FTO: variants seen among roughly 807,000 people sequenced by gnomAD.
The protein encoded by FTO is FTO alpha-ketoglutarate dependent dioxygenase.
FTO carries 47 observed loss-of-function variants against 63.9 expected under a neutral mutation model. The observed-to-expected ratio is 0.74, with a 90% CI of 0.58 to 0.94. The LOEUF is 0.94. Ranked by LOEUF, FTO falls within the 40% of genes least tolerant of loss-of-function variation. FTO has a pLI of 0.00. For synonymous variants in FTO, 207 were observed against 224.4 expected (o/e 0.92, Z 0.69); for missense variants, 562 against 618.1 (o/e 0.91, Z 0.96).
At chr16:53,912,676 T>C (rs2081742893) in intron 7 of FTO, among the ~76,000 whole-genome samples, 2 of 152,172 alleles carry the variant, frequency 1.3e-5, no homozygotes, top group Admixed American at 6.5e-5. Flanking sequence ...ACATGACTTG[T>C]TCACCGGTTC....
At chr16:53,760,233 TG>T (rs1567962795) in intron 1 of FTO, among the ~76,000 whole-genome samples, 2 of 16,094 alleles carry the variant, frequency 1.2e-4, no homozygotes, top group Non-Finnish European at 1.3e-4. Flanking sequence ...TGTGTGTGTG[TG>T]TGTGTGTGTG....
chr16:54,035,249 G>A (rs937681443), intron 8 of FTO, among the ~76,000 whole-genome samples: 1 of 152,192 alleles, frequency 6.6e-6, no homozygotes, highest in Admixed American at 6.5e-5. Context: ...CAGCAAAGAA[G>A]TTTTTTCCAA....
At chr16:53,857,035 T>C (rs1598840630) in intron 4 of FTO, among the ~76,000 whole-genome samples, 1 of 151,854 alleles carries the variant, frequency 6.6e-6, no homozygotes, top group Admixed American at 6.6e-5. Flanking sequence ...ATGCCACAAC[T>C]TTTTCCCCTG....
chr16:53,706,114 A>C (rs1398003869), intron 1 of FTO, among the ~76,000 whole-genome samples: 2 of 152,184 alleles, frequency 1.3e-5, no homozygotes, highest in East Asian at 3.9e-4. Context: ...AACATGTTGA[A>C]TTAGTAGAGC....
chr16:53,906,384 A>C (rs1414074569), intron 7 of FTO, among the ~76,000 whole-genome samples: 2 of 152,222 alleles, frequency 1.3e-5, no homozygotes, highest in Non-Finnish European at 1.5e-5. Context: ...GAACGGACGA[A>C]TATATGAACA....
At chr16:53,978,330 C>G (rs901814983) in intron 8 of FTO, among the ~76,000 whole-genome samples, 1 of 152,162 alleles carries the variant, frequency 6.6e-6, no homozygotes. Flanking sequence ...GAGTCCTAAG[C>G]TTTCAGTCTC....
chr16:53,901,592 A>G (rs1273600091), intron 7 of FTO, among the ~76,000 whole-genome samples: 1 of 152,164 alleles, frequency 6.6e-6, no homozygotes, highest in Non-Finnish European at 1.5e-5. Flanking sequence ...ACAGTCCCAC[A>G]TTAGTGATTG....
intron 5 of FTO, among the ~76,000 whole-genome samples, 170 bp downstream of exon 5, chr16:53,874,035 C>T (rs141251918): frequency 5.9e-5 from 9 of 152,224 alleles, no homozygotes; most frequent in African/African-American, 1.7e-4. Flanking sequence ...GTGTTGGATA[C>T]AGTTTTAGAA....
chr16:53,988,190 A>G (rs2083717349), intron 8 of FTO, among the ~76,000 whole-genome samples: 1 of 152,224 alleles, frequency 6.6e-6, no homozygotes, highest in Non-Finnish European at 1.5e-5. Context: ...TTTTCAGTGC[A>G]GTCATTTTTA....
At chr16:53,797,797 A>G (rs372044644) in intron 1 of FTO, among the ~76,000 whole-genome samples, 4 of 152,138 alleles carry the variant, frequency 2.6e-5, no homozygotes, top group South Asian at 2.1e-4. Flanking sequence ...TAGTTTTGAG[A>G]GCAGATTTTC....
At chr16:54,017,134 A>G (rs538114844) in intron 8 of FTO, among the ~76,000 whole-genome samples, 1 of 152,246 alleles carries the variant, frequency 6.6e-6, no homozygotes, top group African/African-American at 2.4e-5. Flanking sequence ...TGTAATCACC[A>G]CTTGCCCATG....
chr16:53,712,679 C>T (rs1182733914), intron 1 of FTO, among the ~76,000 whole-genome samples: 1 of 152,204 alleles, frequency 6.6e-6, no homozygotes, highest in Non-Finnish European at 1.5e-5. Context: ...CAAACAGTAG[C>T]TTCCTTGAAG....
At chr16:53,866,359 T>G (rs1416000306) in intron 4 of FTO, among the ~76,000 whole-genome samples, 1 of 152,166 alleles carries the variant, frequency 6.6e-6, no homozygotes, top group African/African-American at 2.4e-5. Flanking sequence ...AGTTTTCCTT[T>G]TTGTAAGGTC....
chr16:53,808,179 C>T (rs1178673789), intron 1 of FTO, among the ~76,000 whole-genome samples: 1 of 151,758 alleles, frequency 6.6e-6, no homozygotes, highest in Non-Finnish European at 1.5e-5. Context: ...AAAAGTAAAA[C>T]AAAACTAGCC....
At chr16:54,072,671 G>A (rs1192986675) in intron 8 of FTO, 1 of 152,238 alleles carries the variant, frequency 6.6e-6, no homozygotes, top group Non-Finnish European at 1.5e-5. Context: ...TGGTTCAAAG[G>A]CTGACTGTTC....
chr16:53,855,617 GC>G (rs1195871593), intron 4 of FTO, among the ~76,000 whole-genome samples: 1 of 151,884 alleles, frequency 6.6e-6, no homozygotes, highest in Non-Finnish European at 1.5e-5. Flanking sequence ...ATCCTTGAAA[GC>G]CCCTGCCTGG....
intron 8 of FTO, 129 bp downstream of exon 8, chr16:53,934,238 GCTTTCAGC>G (rs2082340496): frequency 2.1e-6 from 2 of 954,096 alleles, no homozygotes; most frequent in African/African-American, 3.2e-5. Flanking sequence ...CGTTTAAGAT[GCTTTCAGC>G]TAAAGTTAGC....
intron 1 of FTO, among the ~76,000 whole-genome samples, chr16:53,711,071 AAAAAT>A: frequency 6.6e-6 from 1 of 151,560 alleles, no homozygotes; most frequent in South Asian, 2.1e-4. Context: ...GGCATACAGT[AAAAAT>A]AAACATTGTT....
intron 2 of FTO, among the ~76,000 whole-genome samples, chr16:53,819,965 C>A (rs2078808542): frequency 6.6e-6 from 1 of 151,782 alleles, no homozygotes; most frequent in African/African-American, 2.4e-5. Flanking sequence ...TATGTGGAAC[C>A]AAGTGATGTG....
Sources: allele counts gnomAD v4.1 joint callset (sites outside exome capture counted in the v4.1 genomes callset), GRCh38; gene constraint gnomAD v4.1.1; transcripts MANE v1.5; gene names NCBI Gene and HGNC (gene_info 2026-07-23, HGNC 2026-07-21).